The following MAP4K1 variants were observed in gnomAD, a reference collection of about 807,000 sequenced individuals.
The protein encoded by MAP4K1 is mitogen-activated protein kinase kinase kinase kinase 1, also known as MAPK/ERK kinase kinase kinase 1.
MAP4K1 carries 35 observed loss-of-function variants against 122.8 expected under a neutral mutation model. That is an observed-to-expected ratio of 0.29 (90% CI 0.22 to 0.38). The LOEUF is 0.38. MAP4K1 is among the 10% of genes least tolerant of loss of function. MAP4K1 has a pLI of 1.00. For synonymous variants in MAP4K1, 412 were observed against 421.3 expected (o/e 0.98, Z 0.27); for missense variants, 791 against 1,072.6 (o/e 0.74, Z 3.67).
chr19:38,612,539 C>T (rs990468847), intron 9 of MAP4K1, 72 bp downstream of exon 9: 23 of 1,469,768 alleles, frequency 1.6e-5, no homozygotes, highest in Admixed American at 2.0e-5. Flanking sequence ...GGATGGAAGG[C>T]GGAAGCTGAG....
At chr19:38,606,612 C>T (rs966180630) in intron 16 of MAP4K1, among the ~76,000 whole-genome samples, 3 of 152,136 alleles carry the variant, frequency 2.0e-5, no homozygotes, top group Non-Finnish European at 4.4e-5. Context: ...GCCATCATTG[C>T]ACTCCTGCAC....
At chr19:38,601,381 C>G in intron 20 of MAP4K1, 60 bp downstream of exon 20, 1 of 1,468,444 alleles carries the variant, frequency 6.8e-7, no homozygotes, top group South Asian at 1.2e-5. Flanking sequence ...GGCTTCTCCC[C>G]ACCCCTACTT....
chr19:38,611,539 T>C (rs965275429), intron 9 of MAP4K1, among the ~76,000 whole-genome samples: 18 of 152,144 alleles, frequency 1.2e-4, no homozygotes, highest in Non-Finnish European at 2.5e-4. Context: ...TCCCAACACT[T>C]TGGGAGGCCA....
intron 17 of MAP4K1, 133 bp from the exon 18 acceptor site, chr19:38,605,863 G>T (rs1443643055): frequency 9.9e-6 from 8 of 810,232 alleles, no homozygotes; most frequent in Non-Finnish European, 1.3e-5. Context: ...ACAACATCTT[G>T]TGCCCCCTCC....
At chr19:38,614,210 C>T (rs780106134) in intron 6 of MAP4K1, 35 bp downstream of exon 6, 2 of 1,612,612 alleles carry the variant, frequency 1.2e-6, no homozygotes, top group Admixed American at 1.7e-5. Flanking sequence ...TCCTGGGCCC[C>T]ACCCCCCAAC....
chr19:38,609,330 T>C (rs935709847), intron 13 of MAP4K1, among the ~76,000 whole-genome samples: 1 of 152,158 alleles, frequency 6.6e-6, no homozygotes, highest in Non-Finnish European at 1.5e-5. Context: ...AGACAGGGTT[T>C]CACCATGTTA....
chr19:38,602,561 TATAC>T (rs1194982979), intron 19 of MAP4K1, among the ~76,000 whole-genome samples: 2 of 129,004 alleles, frequency 1.6e-5, no homozygotes, highest in Admixed American at 1.6e-4. Flanking sequence ...TATACACACA[TATAC>T]ATATATACAT....
Position 38,595,655 on chromosome 19 carries a change from C to G in MAP4K1, c.2254G>C (p.Ala752Pro). The change falls in exon 28 of 31, where the codon GCG becomes CCG. Residue 752 changes from alanine (A) to proline (P), a missense_variant. Transcript: ENST00000396857. The part of the protein sequence containing the change: ...LRTPEIPMTE[A>P]VEAVAMVGGQ... ...CTGCACAGACCCACGGCCTCCACCG[C>G]TTCGGTCATGGGGATCTCAGGTGTG... The G allele has an allele frequency of 6.2e-7, 1 of 1,613,702 alleles. No homozygotes were observed. Among genetic ancestry groups the G allele is most frequent in the Non-Finnish European group, 8.5e-7 (1 of 1,179,714 alleles).
chr19:38,613,995 T>G (rs1300453060), intron 7 of MAP4K1, 43 bp from the exon 8 acceptor site: 2 of 1,612,608 alleles, frequency 1.2e-6, no homozygotes, highest in Non-Finnish European at 8.5e-7. Flanking sequence ...TCCACTGCGC[T>G]TCCGGCCCCC....
chr19:38,614,175 G>A, intron 6 of MAP4K1, 70 bp downstream of exon 6: 1 of 1,609,272 alleles, frequency 6.2e-7, no homozygotes, highest in Non-Finnish European at 8.5e-7. Context: ...CCTGATCCCT[G>A]AGCCCCTGAA....
rs766079993 is a variant in MAP4K1 at position 38,617,631 on chromosome 19, A to G, written c.100-6T>C. 2.5e-6 allele frequency: 4 copies of G among 1,614,082 alleles called. No homozygotes were observed. Among genetic ancestry groups the G allele is most frequent in the Non-Finnish European group, 3.4e-6 (4 of 1,179,996 alleles). ...CCTGACACCTTGTCTCGAGCCTTGC[A>G]AAGGGGAAGTTGGCAGTCAGGCAGG... is the stretch of plus-strand genomic sequence containing the variant. On this transcript the variant is annotated splice_region_variant and splice_polypyrimidine_tract_variant and intron_variant, in intron 1 of 30. Transcript: ENST00000396857. The surrounding 1 kb of genome is among the most constrained non-coding windows in gnomAD (Gnocchi z 4.1).
chr19:38,606,528 C>T (rs1333297631), intron 16 of MAP4K1, among the ~76,000 whole-genome samples: 3 of 150,698 alleles, frequency 2.0e-5, no homozygotes, highest in Non-Finnish European at 3.0e-5. Flanking sequence ...GTGGCAGGTG[C>T]GCCTGTGACC....
In MAP4K1 at chr19:38,617,663, T is replaced by C; in HGVS notation, c.100-38A>G. 6.2e-7 allele frequency: 1 copy of C among 1,612,444 alleles called. No individual in the cohort carries two copies. Among genetic ancestry groups the C allele is most frequent in the South Asian group, 1.1e-5 (1 of 91,040 alleles). On this transcript the variant is annotated intron_variant, in intron 1 of 30. Transcript: ENST00000396857. This position sits in a 1 kb window ranked among gnomAD's most constrained non-coding sequence, Gnocchi z 4.1. ...AAGTTGGCAGTCAGGCAGGCTCCAT[T>C]TGCCAGAGTCCCTCCACAGCATCCC... is the stretch of plus-strand genomic sequence containing the variant.
chr19:38,596,748 C>G (rs775794895), intron 25 of MAP4K1, among the ~76,000 whole-genome samples: 2 of 152,182 alleles, frequency 1.3e-5, no homozygotes, highest in Non-Finnish European at 2.9e-5. Context: ...TGCTTAGACA[C>G]TCAAAGAGAC....
At position 38,617,413 on chromosome 19, in the gene MAP4K1, G is replaced by C. The variant is rs768606462; in HGVS notation, c.189C>G (p.Ile63Met). ...CGTGCCGGCAAGTTTTCAATATGAG[G>C]ATTTCCTTCTGAAGGGTGGAGACAT... ...DDDVSTLQKE[I>M]LILKTCRHAN... is the part of the protein sequence containing the mutation. Residue 63 changes from isoleucine to methionine, a missense_variant, in exon 3 of 31, where the codon ATC becomes ATG. Physicochemically the swap from Ile to Met is conservative, Grantham distance 10. Around this residue, in one of 4 missense-constraint regions of MAP4K1, gnomAD observed 163 missense variants for 286.1 expected, o/e 0.57. Transcript: ENST00000396857. The surrounding 1 kb of genome is among the most constrained non-coding windows in gnomAD (Gnocchi z 4.1). The C allele has an allele frequency of 7.4e-6, 12 of 1,613,758 alleles. No individual in the cohort carries two copies. In the South Asian group the frequency reaches 1.3e-4, roughly 18 times the overall value.
chr19:38,595,805 G>T, intron 27 of MAP4K1, 76 bp from the exon 28 acceptor site: 3 of 1,487,654 alleles, frequency 2.0e-6, no homozygotes, highest in Non-Finnish European at 2.8e-6. Flanking sequence ...CATAAATTCA[G>T]TGTGAAAGCT....
Position 38,601,516 on chromosome 19 carries a change from G to C in MAP4K1, c.1456C>G (p.Leu486Val). The change falls in exon 20 of 31, where the codon CTT becomes GTT. Residue 486 changes from leucine to valine, a missense_variant. By Grantham distance (32) the Leu-to-Val change is conservative. Around this residue, in one of 4 missense-constraint regions of MAP4K1, gnomAD observed 303 missense variants for 344.8 expected, o/e 0.88. Transcript: ENST00000396857. ...CAGCCATTGAACAACTTTACGAGAA[G>C]GGCACATCCCTGGGCAGGTCGCCGC... ...KEKMKRKGCA[L>V]LVKLFNGCPL... 1 of 1,607,218 alleles carries C rather than the reference G, an allele frequency of 6.2e-7. No individual in the cohort carries two copies. Among genetic ancestry groups the C allele is most frequent in the Admixed American group, 1.7e-5 (1 of 59,086 alleles).
intron 8 of MAP4K1, 77 bp from the exon 9 acceptor site, chr19:38,612,819 G>A (rs1975538061): frequency 6.6e-7 from 1 of 1,506,192 alleles, no homozygotes; most frequent in Non-Finnish European, 9.1e-7. Context: ...AGGAGAAGGA[G>A]TTGAGGGGAG....
chr19:38,607,522 T>A (rs1210857002), intron 16 of MAP4K1, among the ~76,000 whole-genome samples: 1 of 136,722 alleles, frequency 7.3e-6, no homozygotes, highest in Non-Finnish European at 1.5e-5. Context: ...ACTACGTCAC[T>A]GCACTCCAGC....
Sources: gnomAD v4.1 joint callset for allele counts (sites outside exome capture counted in the v4.1 genomes callset) on GRCh38, gnomAD v4.1.1 for gene constraint, gnomAD v4.1.1 regional missense constraint, Gnocchi (gnomAD v3.1) non-coding constraint, MANE v1.5 for transcripts, NCBI Gene and HGNC (gene_info 2026-07-23, HGNC 2026-07-21) for gene names.